Variants in TRIP12 observed in about 807,000 individuals in gnomAD.
TRIP12 encodes the protein E3 ubiquitin-protein ligase TRIP12.
TRIP12 carries 25 observed loss-of-function variants against 244.2 expected under a neutral mutation model. The observed-to-expected ratio is 0.10, with a 90% CI of 0.07 to 0.14. The LOEUF is 0.14. Ranked by LOEUF, TRIP12 falls within the 10% of genes least tolerant of loss-of-function variation. TRIP12 has a pLI of 1.00. For missense variants in TRIP12, 1,677 were observed against 2,486.4 expected, an observed-to-expected ratio of 0.67 and a Z score of 6.92; for synonymous variants, 905 against 873.1, an observed-to-expected ratio of 1.04 and a Z score of -0.64.
intron 1 of TRIP12, 56 bp downstream of exon 1, chr2:229,921,824 A>AGCTGGCCCCCTCCCCCAAG (rs2076648377): frequency 2.3e-4 from 3 of 13,040 alleles, no homozygotes; most frequent in Admixed American, 2.1e-3. Flanking sequence ...CCAACCCCTC[A>AGCTGGCCCCCTCCCCCAAG]GCTGGCCCCC....
At chr2:229,840,307 C>T (rs756389307) in intron 5 of TRIP12, among the ~76,000 whole-genome samples, 2 of 152,044 alleles carry the variant, frequency 1.3e-5, no homozygotes, top group Non-Finnish European at 2.9e-5. Context: ...ATGATTAGAA[C>T]TTAGTAGAAA....
intron 1 of TRIP12, among the ~76,000 whole-genome samples, chr2:229,908,728 G>A (rs2073560068): frequency 6.8e-6 from 1 of 147,874 alleles, no homozygotes; most frequent in South Asian, 2.1e-4. Context: ...GGGAGACTCC[G>A]TCTCAAAAAA....
At chr2:229,922,704 A>G (rs951802902), upstream of TRIP12, 14 of 1,328,368 alleles carry the variant, frequency 1.1e-5, no homozygotes, top group Non-Finnish European at 1.3e-5. Context: ...GAGCAACCGT[A>G]GCCCGCCGGA....
intron 1 of TRIP12, among the ~76,000 whole-genome samples, chr2:229,890,041 G>A (rs1343968978): frequency 1.3e-5 from 2 of 149,954 alleles, no homozygotes; most frequent in Non-Finnish European, 3.0e-5. Flanking sequence ...TGTCACTATT[G>A]TGAACTCCAC....
chr2:229,915,239 C>T (rs1331315416), intron 1 of TRIP12, among the ~76,000 whole-genome samples: 5 of 151,774 alleles, frequency 3.3e-5, no homozygotes, highest in Non-Finnish European at 2.9e-5. Context: ...GACAACACAG[C>T]GAAACTCAAT....
chr2:229,769,708 T>C (rs745703208), intron 39 of TRIP12, among the ~76,000 whole-genome samples: 6 of 151,860 alleles, frequency 4.0e-5, no homozygotes, highest in Non-Finnish European at 7.4e-5. Context: ...AACACAAAGG[T>C]ATACAGTAAC....
intron 1 of TRIP12, among the ~76,000 whole-genome samples, chr2:229,889,149 AT>A (rs2154360510): frequency 6.6e-6 from 1 of 152,366 alleles, no homozygotes; most frequent in South Asian, 2.1e-4. Flanking sequence ...TCAGAAGAGC[AT>A]ATCAATCTCT....
intron 41 of TRIP12, among the ~76,000 whole-genome samples, chr2:229,768,310 A>G (rs2154223854): frequency 6.6e-6 from 1 of 152,338 alleles, no homozygotes; most frequent in Admixed American, 6.5e-5. Flanking sequence ...TTACATTAGG[A>G]TTCAATCTGA....
chr2:229,787,423 A>G, intron 33 of TRIP12, 82 bp downstream of exon 33: 1 of 1,432,054 alleles, frequency 7.0e-7, no homozygotes. Flanking sequence ...ACCAACATGC[A>G]TATTTAGATA....
intron 2 of TRIP12, among the ~76,000 whole-genome samples, chr2:229,862,958 G>A (rs114281770): frequency 0.014 from 2,149 of 152,252 alleles, 53 homozygotes; most frequent in African/African-American, 0.048. Context: ...AGCAGGGCAC[G>A]GTGGCTCATG....
In TRIP12 at chr2:229,903,010, C is replaced by CTTTTTCTTTTT. The variant is rs1553767672; in HGVS notation, c.-50+18869_-50+18870insAAAAAGAAAAA. On this transcript the variant is annotated intron_variant, in intron 1 of 41. Transcript: ENST00000675903. ...TGTGTGCGGGTTTTTTTTTCTTTTT[C>CTTTTTCTTTTT]TTTTTTTCTTTTTTTTTTTTTTTTT... 2.3e-3 allele frequency among the ~76,000 whole-genome samples: 60 copies of CTTTTTCTTTTT among 25,648 alleles called. 2 individuals carry two copies. The highest frequency in any genetic ancestry group is 6.6e-3 in the African/African-American group (56 of 8,440). 16.8% of individuals were successfully genotyped at this position (25,648 alleles called of 152,430 possible). A position where few individuals can be genotyped will look rare whatever the true frequency, so the allele number is the denominator to read the frequency against.
At chr2:229,819,476 C>A (rs2049426995) in intron 8 of TRIP12, among the ~76,000 whole-genome samples, 1 of 152,150 alleles carries the variant, frequency 6.6e-6, no homozygotes, top group Non-Finnish European at 1.5e-5. Context: ...ACCTGAGAGG[C>A]AGAGGTTGCA....
chr2:229,817,881 C>T (rs2048897534), intron 9 of TRIP12, among the ~76,000 whole-genome samples: 1 of 152,192 alleles, frequency 6.6e-6, no homozygotes, highest in Non-Finnish European at 1.5e-5. Context: ...AGGCGTCAGA[C>T]ATTGCCACTG....
intron 2 of TRIP12, 66 bp downstream of exon 2, chr2:229,879,916 A>C: frequency 1.3e-6 from 2 of 1,570,546 alleles, no homozygotes; most frequent in Non-Finnish European, 1.8e-6. Context: ...TGGACCTCGC[A>C]AGGAGGCTTA....
intron 26 of TRIP12, among the ~76,000 whole-genome samples, chr2:229,793,769 G>A (rs1056726445): frequency 6.6e-5 from 10 of 151,998 alleles, no homozygotes; most frequent in South Asian, 2.1e-4. Context: ...TCCAACCTGC[G>A]GCCCACAGGC....
chr2:229,922,686 T>C, upstream of TRIP12: 1 of 1,489,700 alleles, frequency 6.7e-7, no homozygotes, highest in African/African-American at 1.4e-5. Flanking sequence ...CAGGCTGTGC[T>C]AGGCCAAGAG....
chr2:229,829,715 G>A (rs914719427), intron 7 of TRIP12, among the ~76,000 whole-genome samples: 25 of 152,258 alleles, frequency 1.6e-4, no homozygotes, highest in African/African-American at 4.3e-4. Context: ...TTGGGAGGCC[G>A]AGACGGGAGG....
Position 229,793,057 on chromosome 2 carries a change from T to C in TRIP12, c.4057A>G (p.Asn1353Asp), listed in dbSNP as rs778345335. The change falls in exon 27 of 42, where the codon AAT becomes GAT. Residue 1353 changes from asparagine (N) to aspartate (D), a missense_variant. Transcript: ENST00000675903. ...CQLQRHPDCA[N>D]VKQWKGGPVK... ...GGTCCACCCTTCCACTGCTTCACAT[T>C]TGCACAGTCTGGATGCCTTTGTAAC... 1.2e-5 allele frequency: 19 copies of C among 1,613,916 alleles called. No individual in the cohort carries two copies. In the Admixed American group the frequency reaches 1.5e-4, roughly 13 times the overall value.
At chr2:229,903,010 C>CTTTT (rs796575993) in intron 1 of TRIP12, among the ~76,000 whole-genome samples, 10 of 25,646 alleles carry the variant, frequency 3.9e-4, no homozygotes, top group African/African-American at 1.1e-3. Flanking sequence ...TTTTCTTTTT[C>CTTTT]TTTTTTTCTT....
Sources: gnomAD v4.1 joint callset for allele counts (sites outside exome capture counted in the v4.1 genomes callset) on GRCh38, gnomAD v4.1.1 for gene constraint, MANE v1.5 for transcripts, NCBI Gene and HGNC (gene_info 2026-07-23, HGNC 2026-07-21) for gene names.